The following GRIK2 variants were observed in gnomAD, a reference collection of about 807,000 sequenced individuals.
The protein encoded by GRIK2 is glutamate receptor ionotropic, kainate 2.
GRIK2 carries 32 observed loss-of-function variants against 100.3 expected under a neutral mutation model. That is an observed-to-expected ratio of 0.32 (90% CI 0.24 to 0.43). GRIK2 has a LOEUF of 0.43. GRIK2 is among the 20% of genes least tolerant of loss of function. The probability of loss-of-function intolerance (pLI) is 1.00; values close to 1 mark genes in which losing one functional copy is unlikely to be tolerated. For synonymous variants in GRIK2, 417 were observed against 389.4 expected (o/e 1.07, Z -0.83); for missense variants, 843 against 1,114.9 (o/e 0.76, Z 3.47).
intron 4 of GRIK2, among the ~76,000 whole-genome samples, chr6:101,676,222 G>C (rs1233508007): frequency 6.6e-6 from 1 of 152,136 alleles, no homozygotes; most frequent in Non-Finnish European, 1.5e-5. Flanking sequence ...CAGGGGAGTA[G>C]AACTGGGGTA....
intron 14 of GRIK2, among the ~76,000 whole-genome samples, chr6:102,008,493 C>A (rs1334504182): frequency 6.6e-6 from 1 of 151,920 alleles, no homozygotes; most frequent in East Asian, 1.9e-4. Flanking sequence ...TATGGACACA[C>A]CAAGAGGTAA....
At chr6:101,419,953 T>G (rs1419932105) in intron 2 of GRIK2, among the ~76,000 whole-genome samples, 2 of 152,200 alleles carry the variant, frequency 1.3e-5, no homozygotes, top group African/African-American at 4.8e-5. Flanking sequence ...TAATTCCGGT[T>G]CACTTCATCC....
At chr6:101,553,240 T>G (rs1306986444) in intron 2 of GRIK2, among the ~76,000 whole-genome samples, 1 of 152,196 alleles carries the variant, frequency 6.6e-6, no homozygotes, top group African/African-American at 2.4e-5. Context: ...ATTGTCCTAT[T>G]TCATTAGAAA....
intron 14 of GRIK2, among the ~76,000 whole-genome samples, chr6:101,953,104 ATTC>A (rs1036936333): frequency 5.9e-5 from 9 of 152,274 alleles, no homozygotes; most frequent in South Asian, 2.1e-4. Context: ...TCAAAATTTT[ATTC>A]TTCTTTTTGC....
intron 2 of GRIK2, among the ~76,000 whole-genome samples, chr6:101,557,660 GA>G (rs1290394117): frequency 6.6e-6 from 1 of 152,092 alleles, no homozygotes; most frequent in African/African-American, 2.4e-5. Flanking sequence ...CTTATTCACA[GA>G]AGCCGCTCTA....
intron 2 of GRIK2, among the ~76,000 whole-genome samples, chr6:101,402,201 G>C (rs868387841): frequency 6.6e-6 from 1 of 151,942 alleles, no homozygotes. Flanking sequence ...TCTTCCCCGC[G>C]CTTCCCTCTC....
chr6:101,526,582 T>C (rs570324965), intron 2 of GRIK2, among the ~76,000 whole-genome samples: 125 of 152,208 alleles, frequency 8.2e-4, no homozygotes, highest in Admixed American at 1.6e-3. Context: ...CTAACTTCAG[T>C]TGTGTAGCTG....
chr6:101,401,416 A>G (rs79451351), intron 2 of GRIK2, among the ~76,000 whole-genome samples: 246 of 152,286 alleles, frequency 1.6e-3, no homozygotes, highest in African/African-American at 5.3e-3. Context: ...ACACACACAC[A>G]AACAAGCTTT....
rs999679928 is a variant in GRIK2 at position 101,570,140 on chromosome 6, G to A, written c.116-51809G>A. Among the ~76,000 whole-genome samples the A allele has an allele frequency of 2.0e-5, 3 of 152,080 alleles. No individual in the cohort carries two copies. The East Asian group carries it at 5.8e-4, about 29-fold the overall frequency. The stretch of plus-strand genomic sequence containing the variant: ...GAGAGCAGCCTTTGAAAACATATAG[G>A]CTCAAGTTTGAATCTCAGTCCTCCC... On this transcript the variant is annotated intron_variant, in intron 2 of 16. Coordinates refer to ENST00000369134, the MANE Select transcript of GRIK2 (RefSeq NM_021956.5).
At chr6:101,419,486 G>A (rs777662487) in intron 2 of GRIK2, among the ~76,000 whole-genome samples, 24 of 152,208 alleles carry the variant, frequency 1.6e-4, no homozygotes, top group Non-Finnish European at 3.2e-4. Context: ...TTAACACACA[G>A]TTCTGACATG....
At chr6:101,527,997 GCATAGGACTGCTGGGTT>G (rs776170238) in intron 2 of GRIK2, among the ~76,000 whole-genome samples, 3 of 151,948 alleles carry the variant, frequency 2.0e-5, no homozygotes, top group Non-Finnish European at 4.4e-5. Context: ...GTGGGCTATG[GCATAGGACTGCTGGGTT>G]CATATCCCAG....
At chr6:101,462,204 T>C (rs1771349518) in intron 2 of GRIK2, among the ~76,000 whole-genome samples, 1 of 152,256 alleles carries the variant, frequency 6.6e-6, no homozygotes, top group Admixed American at 6.5e-5. Flanking sequence ...GGTAGAACTA[T>C]ACATTGCTAC....
rs144257001 is a variant in GRIK2 at position 101,525,867 on chromosome 6, C to G, written c.116-96082C>G. 1.3e-3 allele frequency among the ~76,000 whole-genome samples: 192 copies of G among 152,254 alleles called. 5 individuals carry two copies. Among genetic ancestry groups the G allele is most frequent in the Non-Finnish European group, 1.2e-4 (8 of 68,026 alleles). ...TCACGCTCACAATTTCCTACTTTCTCTTCTGAGTACAATGCTGTTGTAAGG... is the reference window on the plus strand; with the variant it reads ...TCACGCTCACAATTTCCTACTTTCTGTTCTGAGTACAATGCTGTTGTAAGG... On this transcript the variant is annotated intron_variant, in intron 2 of 16. Transcript: ENST00000369134.
intron 14 of GRIK2, among the ~76,000 whole-genome samples, chr6:102,005,150 A>T (rs1386223800): frequency 6.6e-6 from 1 of 151,172 alleles, no homozygotes; most frequent in Non-Finnish European, 1.5e-5. Flanking sequence ...TATATATATT[A>T]TGTATATTTA....
rs1769662891 is a variant in GRIK2 at position 102,025,775 on chromosome 6, C to T, written c.2086-9566C>T. ...ATGTTTTGTTTTTGGTAAATCTACG[C>T]ACACACAGTGCGTGGCATGGTTATT... On this transcript the variant is annotated intron_variant, in intron 14 of 16. Transcript: ENST00000369134. Among the ~76,000 whole-genome samples, 3 of 151,168 alleles carry T rather than the reference C, an allele frequency of 2.0e-5. No individual in the cohort carries two copies. The South Asian group carries it at 6.2e-4, about 31-fold the overall frequency.
chr6:101,501,318 G>A (rs1440529669), intron 2 of GRIK2, among the ~76,000 whole-genome samples: 1 of 152,042 alleles, frequency 6.6e-6, no homozygotes, highest in Non-Finnish European at 1.5e-5. Context: ...ACTGAAACCA[G>A]TTTCATTTTT....
At chr6:101,627,631 A>G (rs1780524717) in intron 4 of GRIK2, among the ~76,000 whole-genome samples, 2 of 152,210 alleles carry the variant, frequency 1.3e-5, no homozygotes, top group African/African-American at 4.8e-5. Flanking sequence ...TGTTAAGGTT[A>G]GAAAAGTTTT....
chr6:101,871,355 A>T (rs888639438), intron 11 of GRIK2, among the ~76,000 whole-genome samples: 4 of 151,884 alleles, frequency 2.6e-5, no homozygotes, highest in Middle Eastern at 3.4e-3. Context: ...TTATTTTTTT[A>T]AAAGTATTTC....
chr6:102,001,504 G>T (rs1215517405), intron 14 of GRIK2, among the ~76,000 whole-genome samples: 1 of 151,920 alleles, frequency 6.6e-6, no homozygotes, highest in Non-Finnish European at 1.5e-5. Context: ...AAGGTTTCCA[G>T]CTTCATCCAT....
Sources: allele counts gnomAD v4.1 joint callset (sites outside exome capture counted in the v4.1 genomes callset), GRCh38; gene constraint gnomAD v4.1.1; transcripts MANE v1.5; gene names NCBI Gene and HGNC (gene_info 2026-07-23, HGNC 2026-07-21).